Variants in LYPD6B observed in about 807,000 individuals in gnomAD.
LYPD6B encodes ly6/PLAUR domain-containing protein 6B.
LYPD6B carries 17 observed loss-of-function variants against 22.8 expected under a neutral mutation model. That is an observed-to-expected ratio of 0.75 (90% CI 0.51 to 1.12). The LOEUF is 1.12. LYPD6B is among the 50% of genes most tolerant of loss of function. LYPD6B has a pLI of 0.00. For missense variants in LYPD6B, 221 were observed against 258.3 expected, an observed-to-expected ratio of 0.86 and a Z score of 0.99; for synonymous variants, 106 against 91.6, an observed-to-expected ratio of 1.16 and a Z score of -0.90.
chr2:149,145,526 CT>C (rs1688966545), intron 2 of LYPD6B, among the ~76,000 whole-genome samples: 1 of 152,142 alleles, frequency 6.6e-6, no homozygotes, highest in Non-Finnish European at 1.5e-5. Flanking sequence ...TCCGGCAAGC[CT>C]GAAGAACCAC....
intron 1 of LYPD6B, among the ~76,000 whole-genome samples, chr2:149,058,636 T>C (rs1342461861): frequency 6.6e-6 from 1 of 152,220 alleles, no homozygotes; most frequent in Non-Finnish European, 1.5e-5. Flanking sequence ...ATTTTATTTT[T>C]GAGATGGAGT....
At chr2:149,147,528 T>A (rs913000932) in intron 2 of LYPD6B, among the ~76,000 whole-genome samples, 1 of 152,118 alleles carries the variant, frequency 6.6e-6, no homozygotes, top group Non-Finnish European at 1.5e-5. Context: ...GTTTGTTTGT[T>A]TTTGAGATAG....
intron 2 of LYPD6B, chr2:149,160,517 G>A (rs1258697098): frequency 3.3e-6 from 2 of 609,484 alleles, no homozygotes; most frequent in Non-Finnish European, 6.1e-6. Flanking sequence ...TTCTTAATTA[G>A]ATGGGGCCCA....
chr2:149,086,038 G>A (rs7604931), intron 1 of LYPD6B, among the ~76,000 whole-genome samples: 4,680 of 152,230 alleles, frequency 0.031, 329 homozygotes, highest in East Asian at 0.31. Flanking sequence ...GCATTGCCAG[G>A]CGGAAGGCTC....
At chr2:149,071,255 CT>C (rs1410737775) in intron 1 of LYPD6B, among the ~76,000 whole-genome samples, 1 of 152,106 alleles carries the variant, frequency 6.6e-6, no homozygotes, top group Non-Finnish European at 1.5e-5. Context: ...TTTGTTTGAT[CT>C]TTTGTATAGT....
chr2:149,084,099 AAAAAT>A (rs10700898), intron 1 of LYPD6B, among the ~76,000 whole-genome samples: 37 of 150,766 alleles, frequency 2.5e-4, no homozygotes, highest in Admixed American at 2.2e-3. Context: ...ACTCCATCTC[AAAAAT>A]AAAATAAAAT....
At chr2:149,050,857 C>G (rs1486684009) in intron 1 of LYPD6B, among the ~76,000 whole-genome samples, 1 of 152,098 alleles carries the variant, frequency 6.6e-6, no homozygotes, top group Non-Finnish European at 1.5e-5. Flanking sequence ...GATTTCCTGT[C>G]TTAATATGAT....
chr2:149,134,791 C>A lies in LYPD6B; in HGVS notation c.5+3838C>A, dbSNP rs147547733. ...GGGTTGTCAATCACTGTCTACCAGC[C>A]CAGGGCTACTTGATCAAGATCTTTG... On this transcript the variant is annotated intron_variant, in intron 2 of 6. Transcript: ENST00000409642. Among the ~76,000 whole-genome samples, 69 of 152,260 alleles carry A rather than the reference C, an allele frequency of 4.5e-4. 1 individual carries two copies. The East Asian group carries it at 0.012, about 27-fold the overall frequency.
chr2:149,044,604 C>T (rs569665330), intron 1 of LYPD6B, among the ~76,000 whole-genome samples: 21 of 152,102 alleles, frequency 1.4e-4, no homozygotes, highest in Non-Finnish European at 1.8e-4. Flanking sequence ...TTCTCTTCCT[C>T]CAACTTATTG....
intron 3 of LYPD6B, among the ~76,000 whole-genome samples, chr2:149,175,049 CTCTCTCTCTCTCTG>C (rs1350479465): frequency 4.4e-5 from 6 of 135,560 alleles, no homozygotes; most frequent in Non-Finnish European, 9.6e-5. Flanking sequence ...CTCTCTCTCT[CTCTCTCTCTCTCTG>C]TGTGTGTGTG....
chr2:149,113,546 CA>C (rs1379129262), intron 1 of LYPD6B, among the ~76,000 whole-genome samples: 2 of 152,018 alleles, frequency 1.3e-5, no homozygotes, highest in Non-Finnish European at 2.9e-5. Context: ...TCATATATAC[CA>C]GGGGGAACAA....
chr2:149,159,467 T>C (rs187902269), intron 2 of LYPD6B, among the ~76,000 whole-genome samples: 1 of 152,278 alleles, frequency 6.6e-6, no homozygotes, highest in Admixed American at 6.5e-5. Flanking sequence ...CCTCTTTTTA[T>C]GTTGTCTTCT....
intron 1 of LYPD6B, among the ~76,000 whole-genome samples, chr2:149,112,774 T>C (rs1290147748): frequency 1.3e-5 from 2 of 152,160 alleles, no homozygotes; most frequent in Admixed American, 6.5e-5. Flanking sequence ...ACATTACTAG[T>C]GTAATTAATT....
In LYPD6B at chr2:149,214,946, A is replaced by G; in HGVS notation, c.*236A>G. The G allele has an allele frequency of 1.8e-6, 1 of 543,950 alleles. No individual in the cohort carries two copies. The highest frequency in any genetic ancestry group is 3.3e-6 in the Non-Finnish European group (1 of 302,940). 33.7% of individuals were successfully genotyped at this position (543,950 alleles called of 1,614,324 possible). ...GGTCTGACTTCCAGGCTTCCTGGTC[A>G]AAGAGAGCTACGTTTGGGCAGTTCT... On this transcript the variant is annotated 3_prime_UTR_variant, in exon 7 of 7. Coordinates refer to ENST00000409642, the MANE Select transcript of LYPD6B (RefSeq NM_177964.5).
intron 3 of LYPD6B, among the ~76,000 whole-genome samples, chr2:149,164,183 T>G (rs1326730400): frequency 1.3e-5 from 2 of 152,094 alleles, no homozygotes; most frequent in Non-Finnish European, 2.9e-5. Context: ...GACAACCTAG[T>G]TTCTTTTGGA....
chr2:149,112,211 GAT>G (rs1197302426), intron 1 of LYPD6B, among the ~76,000 whole-genome samples: 5 of 152,076 alleles, frequency 3.3e-5, no homozygotes, highest in African/African-American at 1.2e-4. Context: ...TCTTAGAGGA[GAT>G]ATGAAAAAAA....
intron 3 of LYPD6B, among the ~76,000 whole-genome samples, chr2:149,194,482 A>G (rs764470281): frequency 1.4e-4 from 22 of 152,200 alleles, no homozygotes; most frequent in Non-Finnish European, 2.6e-4. Flanking sequence ...TAGAGGTAGT[A>G]GCAGATTCCA....
chr2:149,181,069 A>G (rs1263463362), intron 3 of LYPD6B, among the ~76,000 whole-genome samples: 2 of 152,148 alleles, frequency 1.3e-5, no homozygotes, highest in African/African-American at 4.8e-5. Flanking sequence ...ATTTTATAAA[A>G]TCAAATCTAT....
intron 2 of LYPD6B, among the ~76,000 whole-genome samples, chr2:149,132,601 T>C (rs1219448471): frequency 6.6e-6 from 1 of 152,062 alleles, no homozygotes; most frequent in African/African-American, 2.4e-5. Context: ...GAAGCCTTTT[T>C]AGTGCTACTT....
Sources: gnomAD v4.1 joint callset for allele counts (sites outside exome capture counted in the v4.1 genomes callset) on GRCh38, gnomAD v4.1.1 for gene constraint, MANE v1.5 for transcripts, NCBI Gene and HGNC (gene_info 2026-07-23, HGNC 2026-07-21) for gene names.